EFCAB6: variants seen among roughly 807,000 people sequenced by gnomAD.
EFCAB6 encodes the protein EF-hand calcium-binding domain-containing protein 6.
EFCAB6 carries 156 observed loss-of-function variants against 169.8 expected under a neutral mutation model. That is an observed-to-expected ratio of 0.92 (90% CI 0.81 to 1.05). The LOEUF (loss-of-function observed/expected upper bound fraction) is 1.05, where lower values mean the gene tolerates loss of function less well. Among genes scored for constraint, EFCAB6 ranks in the 50% least tolerant of loss-of-function variants. The pLI is 0.00. For missense variants in EFCAB6, 1,800 were observed against 1,829.1 expected (o/e 0.98, Z 0.29); for synonymous variants, 698 against 676.4 (o/e 1.03, Z -0.50).
At chr22:43,666,691 G>GTTTTGTT (rs2057266546) in intron 17 of EFCAB6, among the ~76,000 whole-genome samples, 32 of 77,850 alleles carry the variant, frequency 4.1e-4, no homozygotes, top group South Asian at 1.1e-3. Context: ...CTGCCAGATT[G>GTTTTGTT]TTTTTTTTTT....
At chr22:43,758,284 A>G (rs2061029128) in intron 5 of EFCAB6, among the ~76,000 whole-genome samples, 2 of 152,160 alleles carry the variant, frequency 1.3e-5, no homozygotes, top group African/African-American at 4.8e-5. Context: ...AGGTCTATAA[A>G]TTTGTGTTCT....
intron 26 of EFCAB6, among the ~76,000 whole-genome samples, chr22:43,558,212 G>A (rs1395955088): frequency 1.3e-5 from 2 of 152,136 alleles, no homozygotes; most frequent in Non-Finnish European, 2.9e-5. Context: ...GACTGTATAG[G>A]TAGAAAATCT....
In EFCAB6 at chr22:43,716,770, T is replaced by A. The variant is rs908843306; in HGVS notation, c.882+78A>T. ...CGAAACAAATTTTAGAAATAATGTGTAAACCTAATAGTTTTCCATATTGTC... is the reference window on the plus strand; with the variant it reads ...CGAAACAAATTTTAGAAATAATGTGAAAACCTAATAGTTTTCCATATTGTC... On this transcript the variant is annotated intron_variant, in intron 9 of 31. Transcript: ENST00000262726. The A allele has an allele frequency of 4.0e-6, 6 of 1,503,950 alleles. No homozygotes were observed. The African/African-American group carries it at 8.5e-5, about 21-fold the overall frequency. The allele number at this position is 1,503,950 out of a possible 1,614,324, so 93.2% of individuals were successfully genotyped here.
At chr22:43,658,892 TC>T (rs921436077) in intron 17 of EFCAB6, among the ~76,000 whole-genome samples, 3 of 152,056 alleles carry the variant, frequency 2.0e-5, no homozygotes, top group African/African-American at 4.8e-5. Flanking sequence ...TATTCACTCC[TC>T]CCCCAACACA....
At chr22:43,675,360 TATATA>T (rs1227939050) in intron 13 of EFCAB6, among the ~76,000 whole-genome samples, 6 of 130,290 alleles carry the variant, frequency 4.6e-5, no homozygotes, top group Non-Finnish European at 6.2e-5. Flanking sequence ...TATACTATAA[TATATA>T]ATATAATATA....
chr22:43,676,843 T>C (rs1569365627), intron 13 of EFCAB6, among the ~76,000 whole-genome samples: 1 of 152,172 alleles, frequency 6.6e-6, no homozygotes, highest in Non-Finnish European at 1.5e-5. Context: ...GATGAATAAA[T>C]TGCATTTTGC....
intron 19 of EFCAB6, 144 bp from the exon 20 acceptor site, chr22:43,626,823 G>C (rs1462789708): frequency 2.8e-6 from 2 of 705,336 alleles, no homozygotes; most frequent in African/African-American, 3.6e-5. Flanking sequence ...AGACTTGGCT[G>C]TTCCAGGAAT....
intron 1 of EFCAB6, among the ~76,000 whole-genome samples, chr22:43,811,454 C>T (rs2063124934): frequency 6.6e-6 from 1 of 151,904 alleles, no homozygotes; most frequent in African/African-American, 2.4e-5. Context: ...GCAAGACATC[C>T]TGAAAGGCAA....
chr22:43,706,688 T>C (rs1475229026), intron 10 of EFCAB6, among the ~76,000 whole-genome samples: 1 of 152,230 alleles, frequency 6.6e-6, no homozygotes, highest in Non-Finnish European at 1.5e-5. Context: ...CATGATCCAA[T>C]CAAACGCAGC....
intron 2 of EFCAB6, among the ~76,000 whole-genome samples, chr22:43,805,473 T>A (rs1418552726): frequency 6.6e-6 from 1 of 152,202 alleles, no homozygotes; most frequent in Admixed American, 6.5e-5. Flanking sequence ...TGTTGCATGT[T>A]CTCACTCATA....
chr22:43,666,688 A>ATTTTTTTTTT, intron 17 of EFCAB6, among the ~76,000 whole-genome samples: 1 of 84,332 alleles, frequency 1.2e-5, no homozygotes, highest in Non-Finnish European at 2.4e-5. Flanking sequence ...TCACTGCCAG[A>ATTTTTTTTTT]TTGTTTTTTT....
At chr22:43,730,274 GGGAGGGAT>G (rs2147604317) in intron 8 of EFCAB6, among the ~76,000 whole-genome samples, 1 of 108,036 alleles carries the variant, frequency 9.3e-6, no homozygotes, top group Non-Finnish European at 2.0e-5. Flanking sequence ...GAGCGAGGGA[GGGAGGGAT>G]GGAGGGAGGG....
chr22:43,753,219 C>A (rs549552917), intron 6 of EFCAB6, among the ~76,000 whole-genome samples: 1 of 152,256 alleles, frequency 6.6e-6, no homozygotes, highest in African/African-American at 2.4e-5. Context: ...AGCTGAAGAC[C>A]AGCAAACTCA....
chr22:43,541,527 C>T (rs868031937), intron 27 of EFCAB6, among the ~76,000 whole-genome samples: 2 of 152,168 alleles, frequency 1.3e-5, no homozygotes, highest in Non-Finnish European at 1.5e-5. Context: ...GGGCACAGTG[C>T]GGGTGCGGTC....
intron 20 of EFCAB6, among the ~76,000 whole-genome samples, chr22:43,623,938 A>G (rs1231475241): frequency 6.6e-6 from 1 of 151,500 alleles, no homozygotes; most frequent in Non-Finnish European, 1.5e-5. Context: ...AAAAGAAAAA[A>G]GAAAAAGAAA....
chr22:43,609,493 A>G (rs1279713887), intron 21 of EFCAB6, among the ~76,000 whole-genome samples: 1 of 152,230 alleles, frequency 6.6e-6, no homozygotes, highest in Admixed American at 6.5e-5. Flanking sequence ...AACAGGCAAA[A>G]TCAATCACAG....
chr22:43,728,799 T>C (rs2059831770), intron 8 of EFCAB6, among the ~76,000 whole-genome samples: 1 of 152,256 alleles, frequency 6.6e-6, no homozygotes, highest in Non-Finnish European at 1.5e-5. Context: ...TTATAGATTC[T>C]GGATATTAGA....
chr22:43,783,304 T>C (rs1033290255), intron 2 of EFCAB6, among the ~76,000 whole-genome samples: 2 of 152,142 alleles, frequency 1.3e-5, no homozygotes, highest in Admixed American at 6.5e-5. Context: ...GAGATGTCGA[T>C]AGGGACTTGA....
At chr22:43,535,236 T>C (rs2047317550) in intron 29 of EFCAB6, 1 of 188,226 alleles carries the variant, frequency 5.3e-6, no homozygotes. Context: ...CCTGAGCTCA[T>C]AGTGAGCCTG....
Sources: gnomAD v4.1 joint callset for allele counts (sites outside exome capture counted in the v4.1 genomes callset) on GRCh38, gnomAD v4.1.1 for gene constraint, MANE v1.5 for transcripts, NCBI Gene and HGNC (gene_info 2026-07-23, HGNC 2026-07-21) for gene names.